Variants in MEOX2 observed in about 807,000 individuals in gnomAD.
MEOX2 encodes the protein homeobox protein MOX-2.
In MEOX2, 11 loss-of-function variants were observed where a neutral mutation model predicts 27.0. The observed-to-expected ratio is 0.41, with a 90% CI of 0.26 to 0.68. The LOEUF is 0.68. Ranked by LOEUF, MEOX2 falls within the 30% of genes least tolerant of loss-of-function variation. MEOX2 has a pLI of 0.33. For missense variants in MEOX2, 436 were observed against 385.4 expected (o/e 1.13, Z -1.10); for synonymous variants, 189 against 155.4 (o/e 1.22, Z -1.61).
intron 1 of MEOX2, among the ~76,000 whole-genome samples, chr7:15,685,589 C>T (rs1782366835): frequency 1.3e-5 from 2 of 152,174 alleles, no homozygotes; most frequent in African/African-American, 4.8e-5. Flanking sequence ...TGGAAGGTCA[C>T]GCTTCACAAT....
intron 1 of MEOX2, among the ~76,000 whole-genome samples, chr7:15,674,975 G>A (rs1236874979): frequency 9.4e-6 from 1 of 106,692 alleles, no homozygotes; most frequent in Non-Finnish European, 1.9e-5. Flanking sequence ...TGAGATAAGG[G>A]AAGGTTTCCT....
intron 1 of MEOX2, among the ~76,000 whole-genome samples, chr7:15,685,381 C>G (rs952862193): frequency 2.6e-5 from 4 of 151,064 alleles, no homozygotes; most frequent in African/African-American, 9.7e-5. Context: ...ACTTTTTTTT[C>G]TCATGCGCTC....
chr7:15,665,155 C>T (rs1185817065), intron 1 of MEOX2, among the ~76,000 whole-genome samples: 1 of 151,924 alleles, frequency 6.6e-6, no homozygotes, highest in African/African-American at 2.4e-5. Flanking sequence ...CAATGTTACA[C>T]ATTTTGGCAA....
intron 1 of MEOX2, among the ~76,000 whole-genome samples, chr7:15,672,600 C>T (rs915396686): frequency 4.0e-5 from 6 of 151,796 alleles, no homozygotes; most frequent in African/African-American, 1.5e-4. Flanking sequence ...AGAAAGTATC[C>T]GTAAATATTG....
chr7:15,663,932 G>C (rs1781956701), intron 1 of MEOX2, among the ~76,000 whole-genome samples: 1 of 152,152 alleles, frequency 6.6e-6, no homozygotes, highest in African/African-American at 2.4e-5. Flanking sequence ...TGTATAGATA[G>C]ATATAGATAG....
At chr7:15,624,670 G>A (rs985801517) in intron 2 of MEOX2, among the ~76,000 whole-genome samples, 2 of 152,044 alleles carry the variant, frequency 1.3e-5, no homozygotes, top group Non-Finnish European at 2.9e-5. Flanking sequence ...CTCCATGAGG[G>A]TTCCATGTAG....
chr7:15,641,058 C>T (rs1466973605), intron 1 of MEOX2, among the ~76,000 whole-genome samples: 1 of 151,960 alleles, frequency 6.6e-6, no homozygotes, highest in African/African-American at 2.4e-5. Context: ...AGGAAACTCT[C>T]CTCCTTGATT....
chr7:15,634,889 A>G (rs1367823029), intron 1 of MEOX2, among the ~76,000 whole-genome samples: 3 of 152,008 alleles, frequency 2.0e-5, no homozygotes, highest in Non-Finnish European at 4.4e-5. Flanking sequence ...ATGGAACAGT[A>G]AAATGACACA....
chr7:15,672,118 CA>C (rs1390290794), intron 1 of MEOX2, among the ~76,000 whole-genome samples: 1 of 151,710 alleles, frequency 6.6e-6, no homozygotes, highest in African/African-American at 2.4e-5. Context: ...AACAAAAAAA[CA>C]AAGTGATCAA....
chr7:15,650,590 A>G (rs1434684780), intron 1 of MEOX2, among the ~76,000 whole-genome samples: 1 of 152,042 alleles, frequency 6.6e-6, no homozygotes, highest in Non-Finnish European at 1.5e-5. Context: ...AATGCTTCCT[A>G]TGTGCCAGTA....
Position 15,662,639 on chromosome 7 carries a change from T to C in MEOX2, c.517+23247A>G, listed in dbSNP as rs184802768. 2.4e-3 allele frequency among the ~76,000 whole-genome samples: 358 copies of C among 152,300 alleles called. No individual in the cohort carries two copies. The Middle Eastern group carries it at 0.037, about 16-fold the overall frequency. ...GGAATAAGCAGACTTTTAGTTTCCA[T>C]AGTGTTATAAGCCAAATTTTGATAT... On this transcript the variant is annotated intron_variant, in intron 1 of 2. Transcript: ENST00000262041.
chr7:15,648,548 T>A (rs896426051), intron 1 of MEOX2, among the ~76,000 whole-genome samples: 2 of 152,080 alleles, frequency 1.3e-5, no homozygotes, highest in Admixed American at 6.6e-5. Flanking sequence ...GGGTCCTTTA[T>A]TGTTACCATT....
intron 1 of MEOX2, among the ~76,000 whole-genome samples, chr7:15,646,249 TA>T (rs1445147414): frequency 1.3e-5 from 2 of 152,076 alleles, no homozygotes; most frequent in Admixed American, 6.5e-5. Context: ...AAGTATTTTA[TA>T]AACTCCCCCA....
At chr7:15,666,745 C>A in intron 1 of MEOX2, among the ~76,000 whole-genome samples, 1 of 71,078 alleles carries the variant, frequency 1.4e-5, no homozygotes, top group East Asian at 3.6e-4. Flanking sequence ...GAGCAAGACT[C>A]TGTCTCAAAA....
At chr7:15,685,264 A>C (rs937158964) in intron 1 of MEOX2, among the ~76,000 whole-genome samples, 2 of 152,160 alleles carry the variant, frequency 1.3e-5, no homozygotes, top group African/African-American at 4.8e-5. Flanking sequence ...TAAAATCTGA[A>C]TTCCTAGATA....
intron 1 of MEOX2, among the ~76,000 whole-genome samples, chr7:15,684,237 C>T (rs938200514): frequency 6.6e-6 from 1 of 152,092 alleles, no homozygotes; most frequent in African/African-American, 2.4e-5. Context: ...TGCAAGAGTA[C>T]GCTCATCAAC....
chr7:15,629,044 G>A (rs938552039), intron 1 of MEOX2, among the ~76,000 whole-genome samples: 14 of 152,104 alleles, frequency 9.2e-5, no homozygotes, highest in African/African-American at 3.4e-4. Context: ...AGCAACTCTG[G>A]AAACTGACAG....
chr7:15,618,358 C>G (rs12216628), intron 2 of MEOX2, among the ~76,000 whole-genome samples: 102,137 of 151,708 alleles, frequency 0.67, 34,592 homozygotes, highest in East Asian at 0.81. Flanking sequence ...CACTTTTTTT[C>G]TTTATTGTGT....
intron 1 of MEOX2, among the ~76,000 whole-genome samples, chr7:15,635,360 T>A (rs535703957): frequency 7.9e-5 from 12 of 151,976 alleles, no homozygotes; most frequent in Non-Finnish European, 1.8e-4. Context: ...ATACTAAATA[T>A]GGTTATGAAA....
Sources: gnomAD v4.1 joint callset for allele counts (sites outside exome capture counted in the v4.1 genomes callset) on GRCh38, gnomAD v4.1.1 for gene constraint, MANE v1.5 for transcripts, NCBI Gene and HGNC (gene_info 2026-07-23, HGNC 2026-07-21) for gene names.